Variants in TAFA1 observed in about 807,000 individuals in gnomAD.
TAFA1 encodes the protein TAFA chemokine like family member 1.
Under a neutral mutation model 18.5 loss-of-function variants are expected in TAFA1, and 4 were observed. The observed-to-expected ratio is 0.22, with a 90% CI of 0.11 to 0.49. The LOEUF (loss-of-function observed/expected upper bound fraction) is 0.49, where lower values mean the gene tolerates loss of function less well. Ranked by LOEUF, TAFA1 falls within the 20% of genes least tolerant of loss-of-function variation. TAFA1 has a pLI of 0.98. For missense variants in TAFA1, 147 were observed against 169.0 expected (o/e 0.87, Z 0.72); for synonymous variants, 56 against 55.2 (o/e 1.01, Z -0.06).
At chr3:68,066,093 A>G (rs1054793841) in intron 2 of TAFA1, among the ~76,000 whole-genome samples, 3 of 152,160 alleles carry the variant, frequency 2.0e-5, no homozygotes, top group Non-Finnish European at 4.4e-5. Context: ...AGAGATTATA[A>G]AGCAGCAGGC....
chr3:68,044,228 G>T (rs1047341386), intron 2 of TAFA1, among the ~76,000 whole-genome samples: 1 of 152,136 alleles, frequency 6.6e-6, no homozygotes, highest in Non-Finnish European at 1.5e-5. Flanking sequence ...AGGACTTACT[G>T]CAATTATAGT....
chr3:68,066,794 C>G (rs773827169), intron 2 of TAFA1, among the ~76,000 whole-genome samples: 4 of 152,078 alleles, frequency 2.6e-5, no homozygotes, highest in Non-Finnish European at 5.9e-5. Flanking sequence ...TAACCTGGGA[C>G]TAAGATCTGC....
At chr3:68,027,180 G>A (rs184965044) in intron 2 of TAFA1, among the ~76,000 whole-genome samples, 13 of 152,210 alleles carry the variant, frequency 8.5e-5, no homozygotes, top group East Asian at 1.9e-4. Context: ...TGAGATTTAC[G>A]TGGGACTTCA....
intron 2 of TAFA1, among the ~76,000 whole-genome samples, chr3:68,086,227 CA>C (rs2064968494): frequency 6.6e-6 from 1 of 152,162 alleles, no homozygotes; most frequent in South Asian, 2.1e-4. Flanking sequence ...CAGACACTTC[CA>C]GCATATTTTC....
chr3:68,522,858 T>C (rs2073048786), intron 3 of TAFA1, among the ~76,000 whole-genome samples: 1 of 151,348 alleles, frequency 6.6e-6, no homozygotes, highest in South Asian at 2.1e-4. Flanking sequence ...GGCAGGTCAC[T>C]TGAGGTCAGG....
At chr3:68,497,637 A>G (rs909703992) in intron 3 of TAFA1, among the ~76,000 whole-genome samples, 1 of 152,162 alleles carries the variant, frequency 6.6e-6, no homozygotes, top group African/African-American at 2.4e-5. Context: ...AGTGTGCTGA[A>G]TGGGAAATGA....
At chr3:68,541,941 G>A (rs1056182042) in intron 4 of TAFA1, among the ~76,000 whole-genome samples, 6 of 152,160 alleles carry the variant, frequency 3.9e-5, no homozygotes, top group African/African-American at 1.4e-4. Flanking sequence ...TAAGGAAGGT[G>A]AAGAGTAGAA....
intron 3 of TAFA1, among the ~76,000 whole-genome samples, chr3:68,501,052 G>A (rs1352508816): frequency 6.6e-6 from 1 of 151,094 alleles, no homozygotes; most frequent in Non-Finnish European, 1.5e-5. Context: ...CTACTCGGGA[G>A]GCTGAGGCAC....
chr3:68,095,751 CTG>C (rs1480082468), intron 2 of TAFA1, among the ~76,000 whole-genome samples: 4 of 152,142 alleles, frequency 2.6e-5, no homozygotes, highest in Non-Finnish European at 5.9e-5. Context: ...ATCTCAGACA[CTG>C]TGTTAAGCAC....
In TAFA1 at chr3:68,495,717, G is replaced by A. The variant is rs6779959; in HGVS notation, c.260-43039G>A. Among the ~76,000 whole-genome samples the A allele has an allele frequency of 7.0e-4, 106 of 152,204 alleles. 1 individual carries two copies. The highest frequency in any genetic ancestry group is 2.3e-3 in the South Asian group (11 of 4,820). On this transcript the variant is annotated intron_variant, in intron 3 of 4. Transcript: ENST00000478136. ...GTCCACACTGCTGCAGGCATGGCCC[G>A]AGGACAGGTATCTAAAACAACTCAG...
chr3:68,300,342 G>T (rs1048903903), intron 2 of TAFA1, among the ~76,000 whole-genome samples: 1 of 152,184 alleles, frequency 6.6e-6, no homozygotes, highest in Non-Finnish European at 1.5e-5. Context: ...TGGCATGGAA[G>T]CTGTAGCCCT....
At chr3:68,025,143 T>C (rs1575579781) in intron 2 of TAFA1, among the ~76,000 whole-genome samples, 1 of 152,324 alleles carries the variant, frequency 6.6e-6, no homozygotes, top group East Asian at 1.9e-4. Flanking sequence ...ATCTTTTCCA[T>C]TCCTTACTCA....
intron 2 of TAFA1, among the ~76,000 whole-genome samples, chr3:68,164,447 C>T (rs1354894939): frequency 2.0e-5 from 3 of 152,052 alleles, no homozygotes; most frequent in African/African-American, 7.2e-5. Context: ...CTTTTTGTCC[C>T]CCTTGGGTAA....
chr3:68,452,676 C>T (rs768697812), intron 3 of TAFA1, among the ~76,000 whole-genome samples: 4 of 152,112 alleles, frequency 2.6e-5, no homozygotes, highest in Non-Finnish European at 5.9e-5. Context: ...TCATGTGCCC[C>T]AGTCAAAGAG....
At chr3:68,016,276 C>A (rs1431107821) in intron 2 of TAFA1, among the ~76,000 whole-genome samples, 15 of 152,132 alleles carry the variant, frequency 9.9e-5, no homozygotes, top group Non-Finnish European at 2.2e-4. Context: ...TCATGTGCTG[C>A]ATAACGATGA....
chr3:68,481,543 C>G (rs1046018193), intron 3 of TAFA1, among the ~76,000 whole-genome samples: 1 of 152,140 alleles, frequency 6.6e-6, no homozygotes, highest in Non-Finnish European at 1.5e-5. Flanking sequence ...TCATTCCGAG[C>G]TAAATTCTAC....
Position 68,185,781 on chromosome 3 carries a change from G to A in TAFA1, c.118+179037G>A, listed in dbSNP as rs555324813. ...ACAAAAACTAGCCAGGTGTGGTGGC[G>A]CCTGCCTTTAGTCCCAGCTACTCAG... On this transcript the variant is annotated intron_variant, in intron 2 of 4. Coordinates refer to ENST00000478136, the MANE Select transcript of TAFA1 (RefSeq NM_213609.4). Among the ~76,000 whole-genome samples, 242 of 151,960 alleles carry A rather than the reference G, an allele frequency of 1.6e-3. 2 individuals carry two copies. The highest frequency in any genetic ancestry group is 5.4e-3 in the African/African-American group (223 of 41,478).
chr3:68,171,943 A>G (rs1365063582), intron 2 of TAFA1, among the ~76,000 whole-genome samples: 5 of 152,110 alleles, frequency 3.3e-5, no homozygotes, highest in Non-Finnish European at 5.9e-5. Context: ...TGAACAGAAA[A>G]ATGTGTGTGT....
At position 68,246,589 on chromosome 3, in the gene TAFA1, C is replaced by CAAAAAAAAAAA. The variant is rs63748968; in HGVS notation, c.119-170665_119-170655dup. On this transcript the variant is annotated intron_variant, in intron 2 of 4. Transcript: ENST00000478136. ...TGGGCGACAGAGCGGGACTCCGTCTCAAAAAAAAAAAAAAAAAAAAAAAAA... is the reference window on the plus strand; with the variant it reads ...TGGGCGACAGAGCGGGACTCCGTCTCAAAAAAAAAAAAAAAAAAAAAAAAAAAAAAAAAAAA... 8.3e-3 allele frequency among the ~76,000 whole-genome samples: 461 copies of CAAAAAAAAAAA among 55,332 alleles called. 84 individuals carry two copies. The highest frequency in any genetic ancestry group is 9.4e-3 in the Admixed American group (32 of 3,406). 36.3% of individuals were successfully genotyped at this position (55,332 alleles called of 152,430 possible).
Sources: gnomAD v4.1 joint callset for allele counts (sites outside exome capture counted in the v4.1 genomes callset) on GRCh38, gnomAD v4.1.1 for gene constraint, MANE v1.5 for transcripts, NCBI Gene and HGNC (gene_info 2026-07-23, HGNC 2026-07-21) for gene names.